The following GLDN variants were observed in gnomAD, a reference collection of about 807,000 sequenced individuals.
GLDN encodes collomin.
GLDN carries 47 observed loss-of-function variants against 56.5 expected under a neutral mutation model. That is an observed-to-expected ratio of 0.83 (90% CI 0.66 to 1.06). GLDN has a LOEUF of 1.06. GLDN is among the 50% of genes least tolerant of loss of function. The pLI, the probability that GLDN is intolerant of heterozygous loss-of-function variation, is 0.00. For missense variants in GLDN, 782 were observed against 714.3 expected (o/e 1.09, Z -1.08); for synonymous variants, 332 against 278.8 (o/e 1.19, Z -1.90).
At position 51,370,506 on chromosome 15, in the gene GLDN, G is replaced by T. The variant is rs74016732; in HGVS notation, c.364-6943G>T. On this transcript the variant is annotated intron_variant, in intron 1 of 9. Transcript: ENST00000335449. ...GAGTTCTAGTTCATTCTGTTCATTT[G>T]CCTAGAAACAACAGAGATCTGTCCA... is the stretch of plus-strand genomic sequence containing the variant. Among the ~76,000 whole-genome samples the T allele has an allele frequency of 2.6e-3, 389 of 152,260 alleles. 1 individual carries two copies. The highest frequency in any genetic ancestry group is 8.9e-3 in the African/African-American group (368 of 41,538).
chr15:51,349,063 G>C (rs1308400517), intron 1 of GLDN, among the ~76,000 whole-genome samples: 1 of 152,088 alleles, frequency 6.6e-6, no homozygotes, highest in Non-Finnish European at 1.5e-5. Context: ...TGTCACTACG[G>C]CTTTTCAAAA....
intron 1 of GLDN, among the ~76,000 whole-genome samples, chr15:51,364,230 T>C (rs1177130819): frequency 6.6e-6 from 1 of 152,232 alleles, no homozygotes; most frequent in African/African-American, 2.4e-5. Context: ...TGAAGTTGTC[T>C]CATAGCTCAC....
At chr15:51,398,394 T>A (rs2038179710) in intron 6 of GLDN, among the ~76,000 whole-genome samples, 2 of 152,204 alleles carry the variant, frequency 1.3e-5, no homozygotes, top group African/African-American at 4.8e-5. Flanking sequence ...TGGAAAATAC[T>A]TCTAGGGTGA....
chr15:51,360,370 G>GC (rs1226466447), intron 1 of GLDN: 2 of 152,436 alleles, frequency 1.3e-5, no homozygotes, highest in Admixed American at 6.5e-5. Context: ...ACAATAAGCT[G>GC]CCCCCTCGTC....
At position 51,341,998 on chromosome 15, in the gene GLDN, G is replaced by C. The variant is rs764097726; in HGVS notation, c.314G>C (p.Arg105Pro). 2.8e-5 allele frequency: 45 copies of C among 1,597,840 alleles called. No homozygotes were observed. The South Asian group carries it at 4.7e-4, about 17-fold the overall frequency. The change falls in exon 1 of 10, where the codon CGC becomes CCC. Residue 105 changes from arginine (R) to proline (P), a missense_variant. Transcript: ENST00000335449. Reference protein sequence around the residue: ...SHSGEPAPHIRAESHDMLMMM... With the variant: ...SHSGEPAPHIPAESHDMLMMM... ...AGCGGCGAGCCCGCGCCGCATATCC[G>C]CGCCGAGAGCCATGACATGCTGATG...
rs1253603103 is a variant in GLDN, at chr15:51,394,953, A to G, written c.660A>G (p.Gly220=). 3 of 1,608,960 alleles carry G rather than the reference A, an allele frequency of 1.9e-6. No individual in the cohort carries two copies. The African/African-American group carries it at 4.0e-5, about 22-fold the overall frequency. The part of the protein sequence containing the change: ...PGQKGEKGDK[G]DVSNDVLLAG... ...AGAAGGGAGAAAAGGGTGACAAAGG[A>G]GATGTGTCCAACGACGTGCTCCTGG... The change falls in exon 5 of 10, where the codon GGA becomes GGG. Residue 220 remains glycine (G), a synonymous_variant. Transcript: ENST00000335449.
At chr15:51,402,472 C>T (rs955041152) in intron 9 of GLDN, among the ~76,000 whole-genome samples, 1 of 152,218 alleles carries the variant, frequency 6.6e-6, no homozygotes, top group Non-Finnish European at 1.5e-5. Context: ...TCCTCTATGG[C>T]CTTGGACAAG....
rs749839768 is a variant in GLDN at position 51,341,751 on chromosome 15, G to T, written c.67G>T (p.Val23Leu). The T allele has an allele frequency of 6.8e-7, 1 of 1,473,600 alleles. No individual in the cohort carries two copies. 91.3% of individuals were successfully genotyped at this position (1,473,600 alleles called of 1,614,324 possible). A position where few individuals can be genotyped will look rare whatever the true frequency, so the allele number is the denominator to read the frequency against. The change falls in exon 1 of 10, where the codon GTG becomes TTG. Residue 23 changes from valine (V) to leucine (L), a missense_variant. By Grantham distance (32) the Val-to-Leu change is conservative. Coordinates refer to ENST00000335449, the MANE Select transcript of GLDN (RefSeq NM_181789.4). ...GGGCCTGCGTGGCGCCCTGGCGGCC[G>T]TGGCGCTGCTCTCGGCGCTCAACGC... ...GWGLRGALAA[V>L]ALLSALNAAG...
At chr15:51,371,974 C>T (rs1002907817) in intron 1 of GLDN, among the ~76,000 whole-genome samples, 21 of 152,150 alleles carry the variant, frequency 1.4e-4, no homozygotes, top group Admixed American at 2.6e-4. Flanking sequence ...CATGAGCCGC[C>T]GCGCCTGGCC....
intron 4 of GLDN, among the ~76,000 whole-genome samples, chr15:51,387,517 C>T (rs889297827): frequency 2.0e-4 from 31 of 152,100 alleles, no homozygotes; most frequent in Non-Finnish European, 1.5e-4. Flanking sequence ...GGAGGCTGGC[C>T]CTAGGCCTTT....
chr15:51,374,928 G>T (rs563876109), intron 1 of GLDN, among the ~76,000 whole-genome samples: 1 of 151,778 alleles, frequency 6.6e-6, no homozygotes, highest in Non-Finnish European at 1.5e-5. Context: ...CATGGAGAAA[G>T]GGTCTTACTA....
chr15:51,395,622 C>T (rs893545634), intron 5 of GLDN, among the ~76,000 whole-genome samples: 25 of 152,154 alleles, frequency 1.6e-4, no homozygotes, highest in African/African-American at 6.0e-4. Flanking sequence ...AGCTAACTCT[C>T]TTACGTGCAG....
intron 2 of GLDN, among the ~76,000 whole-genome samples, chr15:51,379,120 A>G (rs985724279): frequency 3.9e-5 from 6 of 152,228 alleles, no homozygotes; most frequent in African/African-American, 1.4e-4. Context: ...GACAGATGCT[A>G]TGTGATTCTG....
chr15:51,386,687 C>G (rs1038247944), intron 4 of GLDN, among the ~76,000 whole-genome samples: 1 of 152,146 alleles, frequency 6.6e-6, no homozygotes, highest in Non-Finnish European at 1.5e-5. Flanking sequence ...CCTCCGTAGG[C>G]GGGGGACAGC....
intron 1 of GLDN, among the ~76,000 whole-genome samples, chr15:51,353,385 A>C (rs773779212): frequency 1.2e-4 from 19 of 152,212 alleles, no homozygotes; most frequent in Non-Finnish European, 2.4e-4. Flanking sequence ...TGTCTTGATA[A>C]ATCGACTCTA....
Position 51,404,496 on chromosome 15 carries a change from G to A in GLDN, c.1398G>A (p.Thr466=), listed in dbSNP as rs531014922. 38 of 1,614,106 alleles carry A rather than the reference G, an allele frequency of 2.4e-5. No individual in the cohort carries two copies. Among genetic ancestry groups the A allele is most frequent in the South Asian group, 2.0e-4 (18 of 91,078 alleles). The part of the protein sequence containing the change: ...TFSVVQHVNT[T]YPKSKAGNAF... ...CAGTGGTGCAACACGTCAATACCAC[G>A]TACCCTAAATCCAAGGCTGGCAACG... Residue 466 remains threonine, a synonymous_variant, in exon 10 of 10, where the codon ACG becomes ACA. Coordinates refer to ENST00000335449, the MANE Select transcript of GLDN (RefSeq NM_181789.4).
chr15:51,366,365 G>T (rs962923197), intron 1 of GLDN, among the ~76,000 whole-genome samples: 20 of 152,328 alleles, frequency 1.3e-4, no homozygotes, highest in Non-Finnish European at 2.8e-4. Context: ...AGTGGCGGTT[G>T]CTTGAACTGA....
At chr15:51,369,683 C>T (rs2037475817) in intron 1 of GLDN, among the ~76,000 whole-genome samples, 1 of 152,170 alleles carries the variant, frequency 6.6e-6, no homozygotes, top group African/African-American at 2.4e-5. Flanking sequence ...TGATTTAAGC[C>T]TTTTACCTAC....
rs184139540 is a variant in GLDN, at chr15:51,403,373, A to C, written c.1179-904A>C. 4.6e-5 allele frequency among the ~76,000 whole-genome samples: 7 copies of C among 152,276 alleles called. No homozygotes were observed. In the East Asian group the frequency reaches 9.7e-4, roughly 21 times the overall value. The stretch of plus-strand genomic sequence containing the variant: ...AGCCTCACTATTCTCTAGTTTCTTC[A>C]CGGTTTCTTGATAGACTTCAAGTCT... On this transcript the variant is annotated intron_variant, in intron 9 of 9. Transcript: ENST00000335449.
Sources: allele counts gnomAD v4.1 joint callset (sites outside exome capture counted in the v4.1 genomes callset), GRCh38; gene constraint gnomAD v4.1.1; transcripts MANE v1.5; gene names NCBI Gene and HGNC (gene_info 2026-07-23, HGNC 2026-07-21).